NELL2: variants seen among roughly 807,000 people sequenced by gnomAD.
The protein encoded by NELL2 is protein kinase C-binding protein NELL2.
Under a neutral mutation model 109.6 loss-of-function variants are expected in NELL2, and 41 were observed. The observed-to-expected ratio is 0.37, with a 90% CI of 0.29 to 0.49. NELL2 has a LOEUF of 0.49. Among genes scored for constraint, NELL2 ranks in the 20% least tolerant of loss-of-function variants. The pLI, the probability that NELL2 is intolerant of heterozygous loss-of-function variation, is 0.98. For synonymous variants in NELL2, 355 were observed against 344.7 expected (o/e 1.03, Z -0.33); for missense variants, 900 against 1,008.3 (o/e 0.89, Z 1.45).
At chr12:44,613,833 G>T (rs1039838284) in intron 13 of NELL2, among the ~76,000 whole-genome samples, 4 of 151,898 alleles carry the variant, frequency 2.6e-5, no homozygotes, top group Admixed American at 6.6e-5. Flanking sequence ...TTCCAGTTTT[G>T]GTCAAATGTC....
chr12:44,744,070 T>G (rs1011863846), intron 9 of NELL2, among the ~76,000 whole-genome samples: 1 of 151,884 alleles, frequency 6.6e-6, no homozygotes, highest in East Asian at 1.9e-4. Context: ...CCTCAGCAAA[T>G]GTAAAGGAAT....
At chr12:44,696,172 G>C (rs980906136) in intron 12 of NELL2, among the ~76,000 whole-genome samples, 5 of 152,190 alleles carry the variant, frequency 3.3e-5, no homozygotes, top group African/African-American at 1.2e-4. Context: ...AGAAATCAGT[G>C]TTTTTATTGA....
At chr12:44,903,743 A>G (rs972283737) in intron 1 of NELL2, among the ~76,000 whole-genome samples, 1 of 152,134 alleles carries the variant, frequency 6.6e-6, no homozygotes, top group Non-Finnish European at 1.5e-5. Flanking sequence ...TTGCAGGGAC[A>G]TGGATGAAGC....
chr12:44,839,041 T>C (rs1253121464), intron 2 of NELL2, among the ~76,000 whole-genome samples: 2 of 152,184 alleles, frequency 1.3e-5, no homozygotes, highest in Non-Finnish European at 2.9e-5. Context: ...GGGGGTTTAA[T>C]TTTGTGCAAC....
At chr12:44,782,928 A>G (rs2136606586) in intron 3 of NELL2, among the ~76,000 whole-genome samples, 1 of 152,102 alleles carries the variant, frequency 6.6e-6, no homozygotes, top group Non-Finnish European at 1.5e-5. Context: ...ACTCAACAAC[A>G]ACAGAATACA....
At chr12:44,797,939 GATGGAATGATGGAATAAAAT>G (rs1423143867) in intron 3 of NELL2, among the ~76,000 whole-genome samples, 2 of 43,700 alleles carry the variant, frequency 4.6e-5, no homozygotes, top group African/African-American at 4.8e-5. Flanking sequence ...TTCCATCCTA[GATGGAATGATGGAATAAAAT>G]CATTCCATCC....
chr12:44,725,797 G>A (rs1207236429), intron 9 of NELL2, among the ~76,000 whole-genome samples: 1 of 152,052 alleles, frequency 6.6e-6, no homozygotes, highest in East Asian at 1.9e-4. Flanking sequence ...GGAACTAAAC[G>A]ATAAGAACTT....
At chr12:44,617,449 A>C (rs554677458) in intron 13 of NELL2, among the ~76,000 whole-genome samples, 1 of 106,254 alleles carries the variant, frequency 9.4e-6, no homozygotes, top group African/African-American at 6.2e-5. Context: ...GCACTTTGGG[A>C]GGCCGAGGCG....
In NELL2 at chr12:44,883,318, C is replaced by T. The variant is rs147751152; in HGVS notation, c.39-7418G>A. Among the ~76,000 whole-genome samples, 48 of 152,024 alleles carry T rather than the reference C, an allele frequency of 3.2e-4. No individual in the cohort carries two copies. The East Asian group carries it at 9.3e-3, about 29-fold the overall frequency. On this transcript the variant is annotated intron_variant, in intron 1 of 20. Transcript: ENST00000333837. ...GGTGTCTGCATTCCTTGGCTCATTG[C>T]CCCCTCCTTCAATCTTCAATCCAGC...
intron 9 of NELL2, among the ~76,000 whole-genome samples, chr12:44,721,264 A>C (rs1185682964): frequency 6.6e-6 from 1 of 152,216 alleles, no homozygotes; most frequent in Non-Finnish European, 1.5e-5. Context: ...ATCCTGGCTC[A>C]TATACCATAT....
In NELL2 at chr12:44,522,174, A is replaced by G. The variant is rs1592063298; in HGVS notation, c.2001T>C (p.Asn667=). Residue 667 remains asparagine (N), a splice_region_variant and synonymous_variant, in exon 18 of 20, where the codon AAT becomes AAC. Transcript: ENST00000429094. ...CCATCCGTCGACACATAACGAATCC[A>G]TTCTGTATGAAAAAGAAAAAAAGCA... ...NDRCSVCSCQ[N]GFVMCRRMVC... is the part of the protein sequence containing the mutation. 1 of 1,612,196 alleles carries G rather than the reference A, an allele frequency of 6.2e-7. No individual in the cohort carries two copies. Among genetic ancestry groups the G allele is most frequent in the Admixed American group, 1.7e-5 (1 of 59,538 alleles).
chr12:44,848,849 C>T (rs1284878119), intron 2 of NELL2, among the ~76,000 whole-genome samples: 1 of 152,096 alleles, frequency 6.6e-6, no homozygotes, highest in Non-Finnish European at 1.5e-5. Flanking sequence ...GCCAGTAACC[C>T]CCAAGTGGCC....
chr12:44,815,401 T>C (rs1257310973), intron 3 of NELL2, among the ~76,000 whole-genome samples: 3 of 152,228 alleles, frequency 2.0e-5, no homozygotes, highest in Admixed American at 2.0e-4. Context: ...GAATATAATA[T>C]TTTTGTGGAT....
intron 9 of NELL2, among the ~76,000 whole-genome samples, chr12:44,744,824 C>A (rs890665458): frequency 6.6e-6 from 1 of 152,138 alleles, no homozygotes; most frequent in Non-Finnish European, 1.5e-5. Context: ...GCTTACCAAC[C>A]AAAACAAGTC....
chr12:44,699,820 C>T, intron 12 of NELL2, among the ~76,000 whole-genome samples: 1 of 152,126 alleles, frequency 6.6e-6, no homozygotes, highest in Non-Finnish European at 1.5e-5. Context: ...ACACCACCTG[C>T]TCTTCTCTCT....
At chr12:44,669,196 A>G (rs34882841) in intron 12 of NELL2, among the ~76,000 whole-genome samples, 19,306 of 152,254 alleles carry the variant, frequency 0.13, 1,447 homozygotes, top group East Asian at 0.21. Context: ...GAATCAAAGC[A>G]AAAGCATCTT....
chr12:44,636,673 G>A (rs962117432), intron 13 of NELL2, among the ~76,000 whole-genome samples: 4 of 152,102 alleles, frequency 2.6e-5, no homozygotes, highest in Admixed American at 6.6e-5. Flanking sequence ...TGTGCTGCTG[G>A]ATTTGTTTTG....
intron 10 of NELL2, among the ~76,000 whole-genome samples, chr12:44,711,767 A>T (rs576755530): frequency 2.1e-4 from 32 of 152,062 alleles, no homozygotes; most frequent in Non-Finnish European, 4.4e-4. Context: ...AAAACAGTAA[A>T]TTAAAATTGA....
intron 19 of NELL2, among the ~76,000 whole-genome samples, chr12:44,519,401 A>G (rs1346876214): frequency 6.6e-6 from 1 of 152,246 alleles, no homozygotes; most frequent in Non-Finnish European, 1.5e-5. Context: ...TCATTGAAGC[A>G]AAAGGCACAG....
Sources: gnomAD v4.1 joint callset for allele counts (sites outside exome capture counted in the v4.1 genomes callset) on GRCh38, gnomAD v4.1.1 for gene constraint, MANE v1.5 for transcripts, NCBI Gene and HGNC (gene_info 2026-07-23, HGNC 2026-07-21) for gene names.